SLC24A4: variants seen among roughly 807,000 people sequenced by gnomAD.
SLC24A4 encodes sodium/potassium/calcium exchanger 4.
SLC24A4 carries 53 observed loss-of-function variants against 79.0 expected under a neutral mutation model. The ratio of observed to expected loss-of-function variants is 0.67; its 90% CI spans 0.54 to 0.84. The LOEUF is 0.84. Ranked by LOEUF, SLC24A4 falls within the 40% of genes least tolerant of loss-of-function variation. The pLI is 0.00. For synonymous variants in SLC24A4, 323 were observed against 323.8 expected, an observed-to-expected ratio of 1.00 and a Z score of 0.03; for missense variants, 731 against 822.0, an observed-to-expected ratio of 0.89 and a Z score of 1.35.
At chr14:92,432,951 A>C (rs528164703) in intron 2 of SLC24A4, among the ~76,000 whole-genome samples, 1 of 152,352 alleles carries the variant, frequency 6.6e-6, no homozygotes, top group South Asian at 2.1e-4. Context: ...AAGGGTAATA[A>C]AAGTATTCTA....
intron 14 of SLC24A4, among the ~76,000 whole-genome samples, chr14:92,489,257 G>T (rs924374841): frequency 1.3e-5 from 2 of 151,978 alleles, no homozygotes; most frequent in African/African-American, 4.8e-5. Context: ...GGCCAACATG[G>T]TGAAACCCCG....
rs117062684 is a variant in SLC24A4, at chr14:92,448,910, G to A, written c.738-164G>A. 4.1e-3 allele frequency among the ~76,000 whole-genome samples: 618 copies of A among 152,280 alleles called. 2 individuals carry two copies. The highest frequency in any genetic ancestry group is 7.2e-3 in the Non-Finnish European group (490 of 68,020). On this transcript the variant is annotated intron_variant, in intron 9 of 16. Transcript: ENST00000532405. The stretch of plus-strand genomic sequence containing the variant: ...CACAATGCTCCCAGGTCCCTGTCAG[G>A]AAACTGTCAGCCCAGTTGAAAAGCT...
chr14:92,440,356 TG>T (rs1311133845), intron 4 of SLC24A4, among the ~76,000 whole-genome samples: 1 of 152,122 alleles, frequency 6.6e-6, no homozygotes, highest in Non-Finnish European at 1.5e-5. Context: ...AGTCCAGAAA[TG>T]CCCACTGGGA....
intron 8 of SLC24A4, 55 bp downstream of exon 8, chr14:92,445,397 C>A (rs763894081): frequency 1.4e-5 from 22 of 1,572,774 alleles, no homozygotes; most frequent in Non-Finnish European, 1.9e-5. Flanking sequence ...TTTCCAGTAT[C>A]CTTATTTGTT....
In SLC24A4 at chr14:92,499,842, C is replaced by CT. The variant is rs57018621; in HGVS notation, c.*6229dup. The CT allele has an allele frequency of 0.023, 2,459 of 107,648 alleles. 61 individuals carry two copies. The highest frequency in any genetic ancestry group is 0.067 in the African/African-American group (1,925 of 28,744). 6.7% of individuals were successfully genotyped at this position (107,648 alleles called of 1,614,324 possible). On this transcript the variant is annotated 3_prime_UTR_variant, in exon 17 of 17. Coordinates refer to ENST00000532405, the MANE Select transcript of SLC24A4 (RefSeq NM_153646.4). Reference sequence around the variant, plus strand: ...CCCAAGCAGTTGCTTCTTTTTTTCTCTTTTTTTTTTTTTTTGAGATGGAGC... The same window carrying CT: ...CCCAAGCAGTTGCTTCTTTTTTTCTCTTTTTTTTTTTTTTTTGAGATGGAGC...
chr14:92,341,801 C>G (rs1238962658), intron 2 of SLC24A4, among the ~76,000 whole-genome samples: 3 of 152,216 alleles, frequency 2.0e-5, no homozygotes, highest in Admixed American at 1.3e-4. Context: ...GTGCTGGCAG[C>G]AGAACAGAAT....
chr14:92,324,900 T>A (rs12890500), intron 1 of SLC24A4, among the ~76,000 whole-genome samples: 124,127 of 152,142 alleles, frequency 0.82, 52,442 homozygotes, highest in East Asian at 0.95. Flanking sequence ...TGTACACTGA[T>A]AGGTAAAAAT....
intron 4 of SLC24A4, among the ~76,000 whole-genome samples, chr14:92,440,713 C>A (rs1177038798): frequency 6.6e-6 from 1 of 151,662 alleles, no homozygotes; most frequent in Non-Finnish European, 1.5e-5. Flanking sequence ...ATGTCAAGGG[C>A]TTAGTGAGAG....
intron 2 of SLC24A4, among the ~76,000 whole-genome samples, chr14:92,390,178 G>A (rs1451301656): frequency 2.0e-5 from 3 of 151,928 alleles, no homozygotes; most frequent in Non-Finnish European, 4.4e-5. Flanking sequence ...GAGCCCAGTC[G>A]TCCCTGCTGC....
In SLC24A4 at chr14:92,449,112, A is replaced by G. The variant is rs1453995208; in HGVS notation, c.776A>G (p.Gln259Arg). ...VKMQAFFTVK[Q>R]KSIANGNPVN... Reference sequence around the variant, plus strand: ...ATGCAAGCCTTTTTCACAGTCAAACAAAAGAGCATTGCAAACGGTAACCCG... The same window carrying G: ...ATGCAAGCCTTTTTCACAGTCAAACGAAAGAGCATTGCAAACGGTAACCCG... Residue 259 changes from glutamine to arginine, a missense_variant, in exon 10 of 17, where the codon CAA becomes CGA. Physicochemically the swap from Gln to Arg is conservative, Grantham distance 43 (BLOSUM62 1). Coordinates refer to ENST00000532405, the MANE Select transcript of SLC24A4 (RefSeq NM_153646.4). 9 of 1,614,070 alleles carry G rather than the reference A, an allele frequency of 5.6e-6. No homozygotes were observed. The highest frequency in any genetic ancestry group is 7.6e-6 in the Non-Finnish European group (9 of 1,180,042).
intron 2 of SLC24A4, among the ~76,000 whole-genome samples, chr14:92,396,416 G>A (rs572605943): frequency 3.9e-4 from 59 of 152,302 alleles, no homozygotes; most frequent in South Asian, 6.2e-4. Flanking sequence ...AAACAGATGA[G>A]GTTGGGTGAG....
At chr14:92,448,341 T>TACACACACAC (rs1415258640) in intron 9 of SLC24A4, among the ~76,000 whole-genome samples, 34 of 18,630 alleles carry the variant, frequency 1.8e-3, no homozygotes, top group Admixed American at 5.5e-3. Context: ...TTTTTCCCAC[T>TACACACACAC]ACATACACAC....
rs778560587 is a variant in SLC24A4 at position 92,443,464 on chromosome 14, T to C, written c.647T>C (p.Val216Ala). Reference protein sequence around the residue: ...DSVYYTISVIVLIVFIYDEQI... With the variant: ...DSVYYTISVIALIVFIYDEQI... ...GTGTACTACACCATCTCTGTCATCG[T>C]GCTCATCGTGGTGAGTTGCCCCTCT... The change falls in exon 7 of 17, where the codon GTG becomes GCG. Residue 216 changes from valine to alanine, a missense_variant. Coordinates refer to ENST00000532405, the MANE Select transcript of SLC24A4 (RefSeq NM_153646.4). The C allele has an allele frequency of 7.4e-6, 12 of 1,614,060 alleles. No individual in the cohort carries two copies. In the East Asian group the frequency reaches 2.7e-4, roughly 36 times the overall value.
chr14:92,376,430 C>A (rs559479369), intron 2 of SLC24A4, among the ~76,000 whole-genome samples: 1 of 152,242 alleles, frequency 6.6e-6, no homozygotes, highest in South Asian at 2.1e-4. Flanking sequence ...TCCAAGCCCA[C>A]GCATGTTCCC....
intron 12 of SLC24A4, among the ~76,000 whole-genome samples, chr14:92,466,599 A>C (rs547554839): frequency 2.4e-4 from 36 of 152,376 alleles, no homozygotes; most frequent in African/African-American, 7.5e-4. Context: ...ACCCCAGGGA[A>C]GAAGAGACTG....
intron 2 of SLC24A4, among the ~76,000 whole-genome samples, chr14:92,355,104 A>C (rs1034305410): frequency 6.6e-6 from 1 of 152,040 alleles, no homozygotes; most frequent in African/African-American, 2.4e-5. Flanking sequence ...AACAACAACA[A>C]CACAAATGTT....
intron 12 of SLC24A4, among the ~76,000 whole-genome samples, chr14:92,464,791 G>A (rs1228102813): frequency 1.3e-5 from 2 of 152,206 alleles, no homozygotes; most frequent in African/African-American, 4.8e-5. Flanking sequence ...CCCCTTACAC[G>A]GGCGTTGTAG....
chr14:92,384,138 T>C (rs1473156020), intron 2 of SLC24A4, among the ~76,000 whole-genome samples: 1 of 152,166 alleles, frequency 6.6e-6, no homozygotes, highest in Non-Finnish European at 1.5e-5. Context: ...AGCTCAAGCA[T>C]GAAATACACT....
chr14:92,322,710 C>T (rs1350583629), upstream of SLC24A4: 1 of 151,932 alleles, frequency 6.6e-6, no homozygotes, highest in Non-Finnish European at 1.5e-5. Flanking sequence ...GGTCCAAGCT[C>T]GTGTTGGCTT....
Sources: allele counts gnomAD v4.1 joint callset (sites outside exome capture counted in the v4.1 genomes callset), GRCh38; gene constraint gnomAD v4.1.1; transcripts MANE v1.5; gene names NCBI Gene and HGNC (gene_info 2026-07-23, HGNC 2026-07-21).